The following SDK1 variants were observed in gnomAD, a reference collection of about 807,000 sequenced individuals.
SDK1 encodes sidekick cell adhesion molecule 1, also known as protein sidekick-1.
In SDK1, 157 loss-of-function variants were observed where a neutral mutation model predicts 245.5. The ratio of observed to expected loss-of-function variants is 0.64; its 90% confidence interval spans 0.56 to 0.73. The LOEUF is 0.73. Among genes scored for constraint, SDK1 ranks in the 30% least tolerant of loss-of-function variants. The pLI is 0.00. For synonymous variants in SDK1, 1,647 were observed against 1,278.5 expected (o/e 1.29, Z -6.15); for missense variants, 3,583 against 3,002.3 (o/e 1.19, Z -4.52).
At chr7:3,769,872 A>G (rs1780357226) in intron 4 of SDK1, among the ~76,000 whole-genome samples, 1 of 151,634 alleles carries the variant, frequency 6.6e-6, no homozygotes, top group Non-Finnish European at 1.5e-5. Context: ...CACAATAGGT[A>G]CTAATTGATG....
chr7:4,012,830 TC>T (rs1392790857), intron 16 of SDK1, among the ~76,000 whole-genome samples: 2 of 152,028 alleles, frequency 1.3e-5, no homozygotes, highest in East Asian at 3.9e-4. Context: ...CTCCTCAGCC[TC>T]CCAATCCTCA....
At chr7:3,307,888 T>C (rs1779458158) in intron 1 of SDK1, among the ~76,000 whole-genome samples, 1 of 152,182 alleles carries the variant, frequency 6.6e-6, no homozygotes, top group Non-Finnish European at 1.5e-5. Flanking sequence ...TTCTATATGT[T>C]GTCTTCCTTT....
chr7:3,776,479 C>T (rs185557513), intron 4 of SDK1, among the ~76,000 whole-genome samples: 217 of 152,288 alleles, frequency 1.4e-3, no homozygotes, highest in African/African-American at 3.6e-3. Context: ...ATATTATGAA[C>T]CCGATCAGAT....
chr7:3,390,252 A>G lies in SDK1; in HGVS notation c.298+88368A>G, dbSNP rs139595945. Among the ~76,000 whole-genome samples, 879 of 152,278 alleles carry G rather than the reference A, an allele frequency of 5.8e-3. 6 individuals are homozygous for G. Among genetic ancestry groups the G allele is most frequent in the South Asian group, 0.024 (118 of 4,822 alleles). ...TTTCTGACAGCCTGCCCTACAAACT[A>G]TACTTTGAATAGCAGGGTTGTAGAG... On this transcript the variant is annotated intron_variant, in intron 1 of 44. Transcript: ENST00000404826.
chr7:4,001,421 G>A (rs1193383759), intron 14 of SDK1, among the ~76,000 whole-genome samples: 1 of 152,216 alleles, frequency 6.6e-6, no homozygotes. Flanking sequence ...CTTGGGTCCA[G>A]GTCAAAGTCT....
intron 14 of SDK1, among the ~76,000 whole-genome samples, chr7:4,004,543 G>A (rs1462417490): frequency 6.6e-6 from 1 of 152,116 alleles, no homozygotes; most frequent in African/African-American, 2.4e-5. Context: ...TGCTGGCAAT[G>A]CTATGACAAA....
intron 1 of SDK1, among the ~76,000 whole-genome samples, chr7:3,604,596 T>A (rs1318606082): frequency 7.1e-6 from 1 of 140,410 alleles, no homozygotes; most frequent in Admixed American, 8.1e-5. Context: ...CTTTTTCTTT[T>A]CTTTTCTTTT....
chr7:3,379,473 G>A (rs187837283), intron 1 of SDK1, among the ~76,000 whole-genome samples: 49 of 152,268 alleles, frequency 3.2e-4, no homozygotes, highest in Admixed American at 1.9e-3. Context: ...GGATAAGAGT[G>A]TTCCAAGCTT....
At position 4,132,339 on chromosome 7, in the gene SDK1, G is replaced by T; in HGVS notation, c.4144G>T (p.Val1382Leu). ...RTKDDAPGPP[V>L]RLVFPEVRLT... ...TTTCCCTTCAGCCCCAGGCCCACCA[G>T]TGAGGCTCGTGTTCCCCGAAGTGAG... Residue 1382 changes from valine (V) to leucine (L), a missense_variant, in exon 28 of 45, where the codon GTG becomes TTG. Transcript: ENST00000404826. 2 of 1,611,934 alleles carry T rather than the reference G, an allele frequency of 1.2e-6. No individual in the cohort carries two copies. The highest frequency in any genetic ancestry group is 1.7e-6 in the Non-Finnish European group (2 of 1,178,538).
intron 13 of SDK1, among the ~76,000 whole-genome samples, chr7:3,975,872 G>C (rs191381441): frequency 6.6e-6 from 1 of 152,210 alleles, no homozygotes; most frequent in Non-Finnish European, 1.5e-5. Context: ...GCAGTGGTGC[G>C]GGGGTCCTGG....
chr7:3,661,563 G>A (rs1241953945), intron 4 of SDK1, among the ~76,000 whole-genome samples: 2 of 151,970 alleles, frequency 1.3e-5, no homozygotes, highest in Non-Finnish European at 2.9e-5. Context: ...AAGGAATTGT[G>A]GCTATCATTG....
chr7:3,348,188 A>ACTGCTTGGG lies in SDK1; in HGVS notation c.298+46305_298+46313dup, dbSNP rs1362993495. On this transcript the variant is annotated intron_variant, in intron 1 of 44. Coordinates refer to ENST00000404826, the MANE Select transcript of SDK1 (RefSeq NM_152744.4). ...AGGTTTTAATGCATAGCCCAGGCTTACTGCTTGGGTTTGATTCTTGGCTTC... is the reference window on the plus strand; with the variant it reads ...AGGTTTTAATGCATAGCCCAGGCTTACTGCTTGGGCTGCTTGGGTTTGATTCTTGGCTTC... 1.4e-4 allele frequency among the ~76,000 whole-genome samples: 21 copies of ACTGCTTGGG among 152,252 alleles called. 1 individual carries two copies. The highest frequency in any genetic ancestry group is 1.8e-4 in the Non-Finnish European group (12 of 68,006).
chr7:4,231,447 C>A (rs1449098343), intron 40 of SDK1, among the ~76,000 whole-genome samples: 2 of 151,720 alleles, frequency 1.3e-5, no homozygotes, highest in Non-Finnish European at 2.9e-5. Context: ...GTGGCGCATG[C>A]CTGTAGACCC....
At chr7:3,928,401 A>T (rs1017388959) in intron 5 of SDK1, among the ~76,000 whole-genome samples, 1 of 152,218 alleles carries the variant, frequency 6.6e-6, no homozygotes, top group African/African-American at 2.4e-5. Context: ...AATTTTATTA[A>T]TGTACACACA....
At chr7:3,676,476 C>T (rs1297177126) in intron 4 of SDK1, among the ~76,000 whole-genome samples, 3 of 152,082 alleles carry the variant, frequency 2.0e-5, no homozygotes, top group Non-Finnish European at 4.4e-5. Context: ...CAGGCGCCTG[C>T]CACCACGCCC....
chr7:4,030,300 A>G (rs1299455957), intron 17 of SDK1, among the ~76,000 whole-genome samples: 1 of 152,230 alleles, frequency 6.6e-6, no homozygotes, highest in Non-Finnish European at 1.5e-5. Context: ...ACAGCTATAT[A>G]TGTGTACGAA....
At position 3,504,265 on chromosome 7, in the gene SDK1, C is replaced by CGTTGTT. The variant is rs369977701; in HGVS notation, c.299-114792_299-114787dup. On this transcript the variant is annotated intron_variant, in intron 1 of 44. Coordinates refer to ENST00000404826, the MANE Select transcript of SDK1 (RefSeq NM_152744.4). ...CCCAGCTGGATGCTGCTGTTGTTGT[C>CGTTGTT]GTTGTTGTTGTTGTTGTTGTTGTTG... 2.4e-3 allele frequency among the ~76,000 whole-genome samples: 349 copies of CGTTGTT among 146,624 alleles called. 3 individuals are homozygous for CGTTGTT. The highest frequency in any genetic ancestry group is 8.4e-3 in the African/African-American group (336 of 39,814).
intron 1 of SDK1, among the ~76,000 whole-genome samples, chr7:3,611,103 A>G (rs1033365427): frequency 6.6e-6 from 1 of 152,198 alleles, no homozygotes; most frequent in Non-Finnish European, 1.5e-5. Flanking sequence ...AGTAGTAGAG[A>G]GAGATAAGGT....
chr7:3,312,322 T>C (rs950587472), intron 1 of SDK1, among the ~76,000 whole-genome samples: 1 of 152,164 alleles, frequency 6.6e-6, no homozygotes, highest in East Asian at 1.9e-4. Context: ...AGTCATGCTA[T>C]AGATGAGCTT....
Sources: gnomAD v4.1 joint callset for allele counts (sites outside exome capture counted in the v4.1 genomes callset) on GRCh38, gnomAD v4.1.1 for gene constraint, MANE v1.5 for transcripts, NCBI Gene and HGNC (gene_info 2026-07-23, HGNC 2026-07-21) for gene names.